PTPRD: variants seen among roughly 807,000 people sequenced by gnomAD.
PTPRD encodes the protein receptor-type tyrosine-protein phosphatase delta.
In PTPRD, 34 loss-of-function variants were observed where a neutral mutation model predicts 214.5. The ratio of observed to expected loss-of-function variants is 0.16; its 90% CI spans 0.12 to 0.21. The LOEUF is 0.21. Among genes scored for constraint, PTPRD ranks in the 10% least tolerant of loss-of-function variants. The probability of loss-of-function intolerance (pLI) is 1.00; values close to 1 mark genes in which losing one functional copy is unlikely to be tolerated. For missense variants in PTPRD, 2,545 were observed against 2,398.7 expected (o/e 1.06, Z -1.27); for synonymous variants, 1,128 against 845.7 (o/e 1.33, Z -5.79).
intron 33 of PTPRD, among the ~76,000 whole-genome samples, chr9:8,459,692 A>T (rs2096329006): frequency 6.6e-6 from 1 of 152,120 alleles, no homozygotes; most frequent in Admixed American, 6.5e-5. Flanking sequence ...ATGTGGGTAG[A>T]CACAGATTAT....
chr9:9,333,123 T>C (rs1215346859), intron 9 of PTPRD, among the ~76,000 whole-genome samples: 1 of 151,828 alleles, frequency 6.6e-6, no homozygotes, highest in Non-Finnish European at 1.5e-5. Flanking sequence ...CAGAGATACT[T>C]CAAATATACC....
Position 8,528,691 on chromosome 9 carries a change from A to G in PTPRD, c.441T>C (p.Cys147=), listed in dbSNP as rs2074889254. Residue 147 remains cysteine (C), a synonymous_variant, in exon 15 of 46, where the codon TGT becomes TGC. Transcript: ENST00000381196. The part of the protein sequence containing the change: ...VERTRTATML[C]AASGNPDPEI... Reference sequence around the variant, plus strand: ...CTGGATCCGGATTACCACTGGCTGCACAAAGCATGGTGGCCGTGCGAGTAC... The same window carrying G: ...CTGGATCCGGATTACCACTGGCTGCGCAAAGCATGGTGGCCGTGCGAGTAC... 1.9e-6 allele frequency: 3 copies of G among 1,613,776 alleles called. No homozygotes were observed. In the East Asian group the frequency reaches 6.7e-5, roughly 36 times the overall value.
At chr9:8,690,590 T>C (rs2097782941) in intron 12 of PTPRD, among the ~76,000 whole-genome samples, 1 of 152,016 alleles carries the variant, frequency 6.6e-6, no homozygotes, top group African/African-American at 2.4e-5. Flanking sequence ...GGGGCTAATT[T>C]TATTCAAGAG....
chr9:10,595,334 CA>C (rs1226936198), intron 2 of PTPRD, among the ~76,000 whole-genome samples: 2 of 151,756 alleles, frequency 1.3e-5, no homozygotes, highest in African/African-American at 4.8e-5. Context: ...AGGCAATTTA[CA>C]ACTAATTGAA....
chr9:9,269,565 A>G (rs4424323), intron 9 of PTPRD, among the ~76,000 whole-genome samples: 148,422 of 151,508 alleles, frequency 0.98, 72,766 homozygotes, highest in Middle Eastern at 1. Flanking sequence ...CATGTTGATC[A>G]CAGCATTTTT....
chr9:8,380,427 T>C (rs531762537), intron 37 of PTPRD, among the ~76,000 whole-genome samples: 3 of 152,202 alleles, frequency 2.0e-5, no homozygotes, highest in African/African-American at 7.2e-5. Context: ...ACTCAGGCTG[T>C]GGTTTAGAAA....
chr9:10,008,829 G>A (rs1441837019), intron 4 of PTPRD, among the ~76,000 whole-genome samples: 1 of 151,802 alleles, frequency 6.6e-6, no homozygotes, highest in African/African-American at 2.4e-5. Context: ...ACAAATTCAA[G>A]AAAGACCAAA....
At chr9:9,004,831 C>G in intron 11 of PTPRD, among the ~76,000 whole-genome samples, 1 of 151,936 alleles carries the variant, frequency 6.6e-6, no homozygotes, top group East Asian at 1.9e-4. Flanking sequence ...AGCTCAGATT[C>G]AAAACACGTG....
intron 36 of PTPRD, among the ~76,000 whole-genome samples, chr9:8,397,909 ACAG>A (rs901620780): frequency 6.6e-6 from 1 of 152,124 alleles, no homozygotes; most frequent in Non-Finnish European, 1.5e-5. Flanking sequence ...TGCAAATCAA[ACAG>A]CAGATGATAT....
intron 2 of PTPRD, among the ~76,000 whole-genome samples, chr9:10,525,758 A>G (rs951855405): frequency 9.7e-4 from 77 of 79,086 alleles, no homozygotes; most frequent in African/African-American, 3.1e-3. Flanking sequence ...GTGTGTGTGT[A>G]TTTTCCCTGA....
chr9:9,715,072 G>T (rs748941845), intron 7 of PTPRD, among the ~76,000 whole-genome samples: 1 of 152,134 alleles, frequency 6.6e-6, no homozygotes, highest in African/African-American at 2.4e-5. Context: ...GAAATTAGAA[G>T]ACCTGGGTTT....
intron 7 of PTPRD, among the ~76,000 whole-genome samples, chr9:9,620,072 C>T (rs2095152461): frequency 6.6e-6 from 1 of 151,886 alleles, no homozygotes; most frequent in Non-Finnish European, 1.5e-5. Context: ...TTTTCCTTGG[C>T]ATTGAAGTCC....
chr9:8,577,212 G>T (rs781490893), intron 14 of PTPRD, among the ~76,000 whole-genome samples: 4 of 151,396 alleles, frequency 2.6e-5, no homozygotes, highest in African/African-American at 4.9e-5. Flanking sequence ...CTGCCTGAAA[G>T]AACTTGAACT....
intron 3 of PTPRD, among the ~76,000 whole-genome samples, chr9:10,232,533 A>C (rs2099615127): frequency 6.6e-6 from 1 of 152,008 alleles, no homozygotes. Context: ...CAGGCCCTGC[A>C]GGTTTGCAAA....
chr9:9,893,107 T>C (rs1185682523), intron 5 of PTPRD, among the ~76,000 whole-genome samples: 1 of 151,962 alleles, frequency 6.6e-6, no homozygotes, highest in Non-Finnish European at 1.5e-5. Flanking sequence ...GAGATATACA[T>C]TTGGAGAATA....
intron 11 of PTPRD, among the ~76,000 whole-genome samples, chr9:8,799,818 T>A (rs1402028774): frequency 6.6e-6 from 1 of 152,080 alleles, no homozygotes; most frequent in African/African-American, 2.4e-5. Flanking sequence ...TAATTACACT[T>A]CTAATGTTTT....
At chr9:10,530,320 C>A (rs1014112579) in intron 2 of PTPRD, among the ~76,000 whole-genome samples, 1 of 151,922 alleles carries the variant, frequency 6.6e-6, no homozygotes, top group African/African-American at 2.4e-5. Flanking sequence ...CCAAATTAGA[C>A]TTTTTAGAGG....
chr9:9,325,831 G>T (rs149854312), intron 9 of PTPRD, among the ~76,000 whole-genome samples: 2,594 of 152,238 alleles, frequency 0.017, 74 homozygotes, highest in African/African-American at 0.06. Flanking sequence ...CTGTGGGCTT[G>T]TCATAAATAA....
chr9:8,757,665 TAC>T (rs2094118131), intron 11 of PTPRD, among the ~76,000 whole-genome samples: 3 of 140,646 alleles, frequency 2.1e-5, no homozygotes, highest in Non-Finnish European at 3.0e-5. Context: ...CATATATATA[TAC>T]ATACATATAT....
Sources: allele counts gnomAD v4.1 joint callset (sites outside exome capture counted in the v4.1 genomes callset), GRCh38; gene constraint gnomAD v4.1.1; transcripts MANE v1.5; gene names NCBI Gene and HGNC (gene_info 2026-07-23, HGNC 2026-07-21).